Variants in VPS8 observed in about 807,000 individuals in gnomAD.
VPS8 encodes vacuolar protein sorting-associated protein 8 homolog.
Under a neutral mutation model 216.4 loss-of-function variants are expected in VPS8, and 129 were observed. That is an observed-to-expected ratio of 0.60 (90% CI 0.52 to 0.69). The LOEUF (loss-of-function observed/expected upper bound fraction) is 0.69. VPS8 is among the 30% of genes least tolerant of loss of function. VPS8 has a pLI of 0.00. For synonymous variants in VPS8, 571 were observed against 565.4 expected (o/e 1.01, Z -0.14); for missense variants, 1,531 against 1,683.5 (o/e 0.91, Z 1.59).
At chr3:184,818,932 G>A (rs1454136329) in intron 1 of VPS8, among the ~76,000 whole-genome samples, 2 of 152,078 alleles carry the variant, frequency 1.3e-5, no homozygotes, top group Admixed American at 6.5e-5. Context: ...CTTGGGAGAC[G>A]TGAAGTAGGA....
In VPS8 at chr3:184,918,862, G is replaced by A. The variant is rs550065639; in HGVS notation, c.2383-1265G>A. Reference sequence around the variant, plus strand: ...CATGAATCCGAAGATAGAACTGAGAGAGACTTTGTAGTCCGTCTTCCTATC... The same window carrying A: ...CATGAATCCGAAGATAGAACTGAGAAAGACTTTGTAGTCCGTCTTCCTATC... On this transcript the variant is annotated intron_variant, in intron 28 of 47. Transcript: ENST00000625842. Among the ~76,000 whole-genome samples the A allele has an allele frequency of 7.0e-4, 106 of 152,280 alleles. 1 individual carries two copies. The highest frequency in any genetic ancestry group is 2.5e-3 in the African/African-American group (102 of 41,552).
At chr3:184,908,721 A>G (rs1227281472) in intron 25 of VPS8, among the ~76,000 whole-genome samples, 1 of 152,204 alleles carries the variant, frequency 6.6e-6, no homozygotes, top group African/African-American at 2.4e-5. Context: ...GAATGAGGAT[A>G]TGCTGGCAAT....
At chr3:184,850,717 A>G (rs904734954) in intron 10 of VPS8, among the ~76,000 whole-genome samples, 7 of 152,006 alleles carry the variant, frequency 4.6e-5, no homozygotes, top group African/African-American at 1.7e-4. Context: ...GAAGTCTAAA[A>G]TCAGATCTTC....
rs183089533 is a variant in VPS8, at chr3:184,973,315, A to G, written c.3420+1563A>G. Among the ~76,000 whole-genome samples the G allele has an allele frequency of 3.9e-5, 6 of 152,318 alleles. No homozygotes were observed. The East Asian group carries it at 1.2e-3, about 29-fold the overall frequency. ...CTGCCTAGGTTGATATAATTTTAGT[A>G]AAATTGCATTAAATAATGCTTGCTT... On this transcript the variant is annotated intron_variant, in intron 40 of 47. Transcript: ENST00000625842.
At chr3:184,875,994 A>G (rs185558068) in intron 21 of VPS8, among the ~76,000 whole-genome samples, 355 of 151,974 alleles carry the variant, frequency 2.3e-3, no homozygotes, top group Admixed American at 5.4e-3. Flanking sequence ...TGTCTCAAAA[A>G]AAAAAAAAAG....
Position 184,849,928 on chromosome 3 carries a change from T to C in VPS8, c.667-8T>C, listed in dbSNP as rs1354568649. On this transcript the variant is annotated splice_polypyrimidine_tract_variant and splice_region_variant and intron_variant, in intron 9 of 47. Transcript: ENST00000625842. ...AATTTGTTTTTGAAGCACTTAGTTG[T>C]CTTATAGATCACCATGTGGGATTTG... 1 of 1,609,638 alleles carries C rather than the reference T, an allele frequency of 6.2e-7. No homozygotes were observed. The highest frequency in any genetic ancestry group is 1.1e-5 in the South Asian group (1 of 90,262).
At chr3:184,905,774 G>A (rs1735390114) in intron 25 of VPS8, among the ~76,000 whole-genome samples, 2 of 152,108 alleles carry the variant, frequency 1.3e-5, no homozygotes, top group Non-Finnish European at 1.5e-5. Flanking sequence ...AAGAAACTTA[G>A]CCTGTAAACA....
chr3:184,977,884 C>CTTTTTTTTTTTTTTT (rs55727843), intron 40 of VPS8, among the ~76,000 whole-genome samples: 3 of 131,288 alleles, frequency 2.3e-5, no homozygotes, highest in Non-Finnish European at 1.6e-5. Flanking sequence ...TTTCTTTTTT[C>CTTTTTTTTTTTTTTT]TTTTTTTTTT....
intron 29 of VPS8, among the ~76,000 whole-genome samples, chr3:184,921,769 T>C (rs751278036): frequency 6.6e-6 from 1 of 152,192 alleles, no homozygotes. Flanking sequence ...TTCACCATGT[T>C]GGCCAGGCTA....
chr3:184,899,243 G>T (rs1047108918), intron 24 of VPS8, among the ~76,000 whole-genome samples: 1 of 152,138 alleles, frequency 6.6e-6, no homozygotes, highest in Non-Finnish European at 1.5e-5. Context: ...TTTGTTTTCA[G>T]TTTGATGGCA....
intron 31 of VPS8, among the ~76,000 whole-genome samples, chr3:184,927,127 A>G (rs1739806464): frequency 6.6e-6 from 1 of 152,184 alleles, no homozygotes; most frequent in Non-Finnish European, 1.5e-5. Flanking sequence ...ATCATGAGAT[A>G]GTAACTGTTT....
chr3:184,826,358 A>C, intron 3 of VPS8, 127 bp downstream of exon 3: 1 of 542,786 alleles, frequency 1.8e-6, no homozygotes, highest in South Asian at 3.8e-5. Flanking sequence ...CGTGTGTGTC[A>C]GTTTAAAATT....
chr3:185,007,395 A>G (rs1380309877), intron 45 of VPS8, among the ~76,000 whole-genome samples: 2 of 152,248 alleles, frequency 1.3e-5, no homozygotes, highest in African/African-American at 4.8e-5. Flanking sequence ...TTCCTATATT[A>G]AATTCATAGT....
chr3:184,836,251 A>G (rs1162286712), intron 5 of VPS8: 4 of 456,426 alleles, frequency 8.8e-6, no homozygotes, highest in African/African-American at 8.0e-5. Context: ...TTTTAGGTGG[A>G]GAGTAACTCA....
intron 37 of VPS8, among the ~76,000 whole-genome samples, chr3:184,959,765 C>T (rs1202794937): frequency 1.3e-5 from 2 of 151,996 alleles, no homozygotes; most frequent in Non-Finnish European, 2.9e-5. Context: ...TTGTCAGAAA[C>T]CTGTATTCAA....
chr3:184,988,054 T>C (rs1269126683), intron 42 of VPS8, among the ~76,000 whole-genome samples: 1 of 152,252 alleles, frequency 6.6e-6, no homozygotes, highest in Non-Finnish European at 1.5e-5. Context: ...TTTGTATATT[T>C]TGGATAAGGT....
intron 36 of VPS8, among the ~76,000 whole-genome samples, chr3:184,955,550 T>A (rs4575880): frequency 1.3e-5 from 2 of 151,516 alleles, no homozygotes; most frequent in South Asian, 4.2e-4. Context: ...AGGCCACTGC[T>A]GGTCTCCGCG....
chr3:184,837,212 G>GT (rs5855043), intron 5 of VPS8, among the ~76,000 whole-genome samples: 34,203 of 151,610 alleles, frequency 0.23, 4,786 homozygotes, highest in East Asian at 0.63. Flanking sequence ...TAATATCTGT[G>GT]TTTTTTTTAG....
intron 34 of VPS8, among the ~76,000 whole-genome samples, chr3:184,931,634 T>C (rs1392092642): frequency 6.6e-6 from 1 of 152,182 alleles, no homozygotes; most frequent in East Asian, 1.9e-4. Flanking sequence ...TCATGAGATA[T>C]GTGGTCTGAA....
Sources: gnomAD v4.1 joint callset for allele counts (sites outside exome capture counted in the v4.1 genomes callset) on GRCh38, gnomAD v4.1.1 for gene constraint, MANE v1.5 for transcripts, NCBI Gene and HGNC (gene_info 2026-07-23, HGNC 2026-07-21) for gene names.